GAK: variants seen among roughly 807,000 people sequenced by gnomAD.
GAK encodes cyclin G associated kinase.
Under a neutral mutation model 143.9 loss-of-function variants are expected in GAK, and 79 were observed. That is an observed-to-expected ratio of 0.55 (90% CI 0.46 to 0.66). GAK has a LOEUF of 0.66. Among genes scored for constraint, GAK ranks in the 30% least tolerant of loss-of-function variants. The probability of loss-of-function intolerance (pLI) is 0.00; values close to 1 mark genes in which losing one functional copy is unlikely to be tolerated. For missense variants in GAK, 1,693 were observed against 1,779.7 expected, an observed-to-expected ratio of 0.95 and a Z score of 0.88; for synonymous variants, 881 against 765.5, an observed-to-expected ratio of 1.15 and a Z score of -2.49.
intron 5 of GAK, among the ~76,000 whole-genome samples, chr4:902,295 G>A (rs1400409211): frequency 6.6e-6 from 1 of 151,494 alleles, no homozygotes; most frequent in Non-Finnish European, 1.5e-5. Flanking sequence ...AAAAGTATCT[G>A]GGAGTGATAA....
At chr4:892,023 C>G (rs528623876) in intron 9 of GAK, among the ~76,000 whole-genome samples, 117 of 152,322 alleles carry the variant, frequency 7.7e-4, no homozygotes, top group African/African-American at 2.7e-3. Flanking sequence ...CCCGTCTGCA[C>G]TGGGCTTCCC....
chr4:898,816 T>C (rs925992965), intron 5 of GAK, among the ~76,000 whole-genome samples: 1 of 151,802 alleles, frequency 6.6e-6, no homozygotes, highest in African/African-American at 2.4e-5. Flanking sequence ...TGAACCGAGA[T>C]TGCGCCGCTG....
chr4:874,669 T>TA (rs1303135196), intron 18 of GAK, among the ~76,000 whole-genome samples: 7,465 of 145,172 alleles, frequency 0.051, 196 homozygotes, highest in East Asian at 0.095. Flanking sequence ...TTCTTTTTGT[T>TA]AAAAAAAAAA....
At chr4:856,136 T>TCAC (rs1215943016) in intron 24 of GAK, among the ~76,000 whole-genome samples, 20 of 151,678 alleles carry the variant, frequency 1.3e-4, no homozygotes, top group South Asian at 4.2e-4. Flanking sequence ...CCACACCTGC[T>TCAC]CACCACAGCT....
At position 859,665 on chromosome 4, in the gene GAK, G is replaced by C. The variant is rs1391296865; in HGVS notation, c.3224C>G (p.Thr1075Ser). 1 of 1,603,810 alleles carries C rather than the reference G, an allele frequency of 6.2e-7. No individual in the cohort carries two copies. The highest frequency in any genetic ancestry group is 2.2e-5 in the East Asian group (1 of 44,518). Reference sequence around the variant, plus strand: ...AAATGGGTCCGGGTTCTGAGACTTGGTCCAGCTGGCCTGAGAGCCACAAGG... The same window carrying C: ...AAATGGGTCCGGGTTCTGAGACTTGCTCCAGCTGGCCTGAGAGCCACAAGG... Reference protein sequence around the residue: ...PAPCGSQASWTKSQNPDPFAD... With the variant: ...PAPCGSQASWSKSQNPDPFAD... Residue 1075 changes from threonine (T) to serine (S), a missense_variant, in exon 24 of 28, where the codon ACC becomes AGC. Thr to Ser is a moderately conservative substitution (Grantham distance 58, BLOSUM62 1). Transcript: ENST00000314167.
At chr4:912,621 C>A in intron 3 of GAK, 114 bp downstream of exon 3, 2 of 765,044 alleles carry the variant, frequency 2.6e-6, no homozygotes, top group Admixed American at 5.0e-5. Flanking sequence ...CCGATTTTAA[C>A]ACATGAAAGA....
chr4:896,013 GCA>G lies in GAK; in HGVS notation c.741+445_741+446del, dbSNP rs567376455. ...GCAGTGGCTCAAGCCTGTAATCGCA[GCA>G]CTTTGGGAGGCTGAGGCAGGTGGAC... is the stretch of plus-strand genomic sequence containing the variant. On this transcript the variant is annotated intron_variant, in intron 7 of 27. Transcript: ENST00000314167. Among the ~76,000 whole-genome samples the G allele has an allele frequency of 5.9e-5, 9 of 152,360 alleles. No homozygotes were observed. In the East Asian group the frequency reaches 1.7e-3, roughly 29 times the overall value.
intron 24 of GAK, among the ~76,000 whole-genome samples, chr4:854,363 C>G (rs1323490959): frequency 1.3e-5 from 2 of 152,130 alleles, no homozygotes; most frequent in Non-Finnish European, 2.9e-5. Flanking sequence ...TTGGAAATAT[C>G]TTCTCCCAGT....
At chr4:913,798 T>C (rs1478771677) in intron 1 of GAK, 130 bp from the exon 2 acceptor site, 5 of 759,588 alleles carry the variant, frequency 6.6e-6, no homozygotes, top group African/African-American at 5.2e-5. Flanking sequence ...CAAAACATAA[T>C]GGCCCCAGCG....
At chr4:874,687 C>T (rs1243778714) in intron 18 of GAK, among the ~76,000 whole-genome samples, 5 of 151,892 alleles carry the variant, frequency 3.3e-5, no homozygotes, top group African/African-American at 1.2e-4. Flanking sequence ...AAAAAAGTAT[C>T]CTCTTTGGCG....
intron 1 of GAK, among the ~76,000 whole-genome samples, chr4:918,784 G>GAAGGCTCCA (rs1723444460): frequency 6.6e-6 from 1 of 151,940 alleles, no homozygotes; most frequent in South Asian, 2.1e-4. Flanking sequence ...TAGAAAGGCA[G>GAAGGCTCCA]AAGGCTCCAA....
Position 855,721 on chromosome 4 carries a change from C to T in GAK, c.3284-3747G>A, listed in dbSNP as rs1420224295. On this transcript the variant is annotated intron_variant, in intron 24 of 27. Transcript: ENST00000314167. Reference sequence around the variant, plus strand: ...GGGTGGCTCATACCTGTAATCCCAGCACTTTGGGAGGTCACTTGAGATCAG... The same window carrying T: ...GGGTGGCTCATACCTGTAATCCCAGTACTTTGGGAGGTCACTTGAGATCAG... 2.6e-5 allele frequency among the ~76,000 whole-genome samples: 4 copies of T among 152,294 alleles called. No individual in the cohort carries two copies. The East Asian group carries it at 7.7e-4, about 29-fold the overall frequency.
At chr4:921,536 G>A (rs1222138462) in intron 1 of GAK, among the ~76,000 whole-genome samples, 2 of 152,152 alleles carry the variant, frequency 1.3e-5, no homozygotes, top group Non-Finnish European at 2.9e-5. Flanking sequence ...CAACTGTGAA[G>A]GTTTAAAACT....
intron 1 of GAK, among the ~76,000 whole-genome samples, chr4:927,306 A>G (rs79781891): frequency 1.3e-3 from 5 of 3,928 alleles, no homozygotes; most frequent in Non-Finnish European, 1.9e-3. Flanking sequence ...GCTCACCTGC[A>G]GTCCGCACTG....
Position 849,481 on chromosome 4 carries a change from G to A in GAK, c.*192C>T, listed in dbSNP as rs780527750. ...GCTGTTCCTTCGGGAGGAGAAAAAG[G>A]AAACAACAATCAGAGGCTTTGGAAT... On this transcript the variant is annotated 3_prime_UTR_variant, in exon 28 of 28. Transcript: ENST00000314167. The A allele has an allele frequency of 3.8e-5, 22 of 581,114 alleles. No homozygotes were observed. Among genetic ancestry groups the A allele is most frequent in the Middle Eastern group, 4.5e-4 (1 of 2,208 alleles). The allele number at this position is 581,114 out of a possible 1,614,324, so 36.0% of individuals were successfully genotyped here. A position where few individuals can be genotyped will look rare whatever the true frequency, so the allele number is the denominator to read the frequency against.
chr4:884,148 G>T, intron 11 of GAK, 62 bp from the exon 12 acceptor site: 1 of 1,467,436 alleles, frequency 6.8e-7, no homozygotes, highest in Non-Finnish European at 9.5e-7. Context: ...AGGTCACAGG[G>T]CTTAAGCCAG....
chr4:922,390 C>T (rs1334036158), intron 1 of GAK, among the ~76,000 whole-genome samples: 2 of 151,936 alleles, frequency 1.3e-5, no homozygotes, highest in Non-Finnish European at 2.9e-5. Context: ...TGGTGGGCGC[C>T]TGTAGTCCCA....
At chr4:919,066 G>A (rs367544050) in intron 1 of GAK, among the ~76,000 whole-genome samples, 5 of 90,014 alleles carry the variant, frequency 5.6e-5, no homozygotes, top group African/African-American at 2.3e-4. Context: ...CCTCAGTGCC[G>A]CATGACCTTA....
intron 7 of GAK, 84 bp from the exon 8 acceptor site, chr4:894,093 C>A (rs1577205033): frequency 7.2e-7 from 1 of 1,396,566 alleles, no homozygotes; most frequent in Non-Finnish European, 9.4e-7. Flanking sequence ...AGGGGTGATG[C>A]CCAGGCCCAC....
Sources: gnomAD v4.1 joint callset for allele counts (sites outside exome capture counted in the v4.1 genomes callset) on GRCh38, gnomAD v4.1.1 for gene constraint, MANE v1.5 for transcripts, NCBI Gene and HGNC (gene_info 2026-07-23, HGNC 2026-07-21) for gene names.